Variants in ITPK1 observed in about 807,000 individuals in gnomAD.
ITPK1 encodes the protein inositol 1,3,4-trisphosphate 5/6-kinase.
ITPK1 carries 21 observed loss-of-function variants against 45.3 expected under a neutral mutation model. That is an observed-to-expected ratio of 0.46 (90% confidence interval 0.33 to 0.67). The LOEUF is 0.67. Ranked by LOEUF, ITPK1 falls within the 30% of genes least tolerant of loss-of-function variation. The probability of loss-of-function intolerance (pLI) is 0.02; values close to 1 mark genes in which losing one functional copy is unlikely to be tolerated. For synonymous variants in ITPK1, 258 were observed against 253.6 expected (o/e 1.02, Z -0.16); for missense variants, 474 against 573.5 (o/e 0.83, Z 1.77).
In ITPK1 at chr14:93,016,902, G is replaced by A. The variant is rs886206361; in HGVS notation, c.121-101C>T. 6.3e-5 allele frequency: 95 copies of A among 1,500,554 alleles called. No individual in the cohort carries two copies. Among genetic ancestry groups the A allele is most frequent in the South Asian group, 6.3e-4 (51 of 80,598 alleles). The allele number at this position is 1,500,554 out of a possible 1,614,324, so 93.0% of individuals were successfully genotyped here. A position where few individuals can be genotyped will look rare whatever the true frequency, so the allele number is the denominator to read the frequency against. On this transcript the variant is annotated intron_variant, in intron 3 of 10. Coordinates refer to ENST00000267615, the MANE Select transcript of ITPK1 (RefSeq NM_014216.6). This position sits in a 1 kb window ranked among gnomAD's most constrained non-coding sequence, Gnocchi z 5.0. The stretch of plus-strand genomic sequence containing the variant: ...TGGGGCATATCACCAGAGGACCCTC[G>A]AGCCTCCCTGTAGCACTCTGGAGAT...
chr14:92,981,033 G>A (rs968877388), intron 5 of ITPK1, among the ~76,000 whole-genome samples: 5 of 152,142 alleles, frequency 3.3e-5, no homozygotes, highest in South Asian at 4.1e-4. Flanking sequence ...CTTGGCCGCC[G>A]TGGAGACACC....
chr14:93,094,256 G>A (rs992075018), intron 2 of ITPK1, among the ~76,000 whole-genome samples: 9 of 152,244 alleles, frequency 5.9e-5, no homozygotes, highest in African/African-American at 2.2e-4. Flanking sequence ...TGGCTGCCCT[G>A]TGGGTGACTT....
Position 93,036,170 on chromosome 14 carries a change from C to T in ITPK1, c.121-19369G>A, listed in dbSNP as rs1427999138. Among the ~76,000 whole-genome samples, 3 of 152,270 alleles carry T rather than the reference C, an allele frequency of 2.0e-5. No individual in the cohort carries two copies. Among genetic ancestry groups the T allele is most frequent in the Admixed American group, 2.0e-4 (3 of 15,304 alleles). On this transcript the variant is annotated intron_variant, in intron 3 of 10. Transcript: ENST00000267615. This position sits in a 1 kb window ranked among gnomAD's most constrained non-coding sequence, Gnocchi z 4.1. ...GGTCCCAGGAGCCCAAGGTCGGTAACTTCAAGAGCTGCGGGGAGCAGAGGC... is the reference window on the plus strand; with the variant it reads ...GGTCCCAGGAGCCCAAGGTCGGTAATTTCAAGAGCTGCGGGGAGCAGAGGC...
At chr14:93,082,267 G>A (rs1490707452) in intron 2 of ITPK1, among the ~76,000 whole-genome samples, 1 of 152,206 alleles carries the variant, frequency 6.6e-6, no homozygotes, top group African/African-American at 2.4e-5. Flanking sequence ...GGAGACGAGA[G>A]AACACTGCAA....
intron 3 of ITPK1, among the ~76,000 whole-genome samples, chr14:93,042,294 A>G (rs889482383): frequency 6.6e-6 from 1 of 152,196 alleles, no homozygotes; most frequent in African/African-American, 2.4e-5. Flanking sequence ...AATGATAGCC[A>G]TATGTGAACA....
intron 3 of ITPK1, among the ~76,000 whole-genome samples, chr14:93,066,819 G>A (rs978686472): frequency 2.6e-5 from 4 of 152,162 alleles, no homozygotes; most frequent in African/African-American, 9.7e-5. Flanking sequence ...CTGGTCTTTG[G>A]AACTGACCTG....
At chr14:92,944,414 G>A (rs1178566815) in intron 10 of ITPK1, among the ~76,000 whole-genome samples, 2 of 152,016 alleles carry the variant, frequency 1.3e-5, no homozygotes, top group African/African-American at 4.8e-5. Context: ...CCCTTCTCTT[G>A]GCTTCTCTGG....
At chr14:93,035,594 G>A (rs746963687) in intron 3 of ITPK1, among the ~76,000 whole-genome samples, 6 of 151,818 alleles carry the variant, frequency 4.0e-5, no homozygotes, top group Non-Finnish European at 8.8e-5. Flanking sequence ...AACAGGACGG[G>A]AGGGAGGGAG....
intron 5 of ITPK1, among the ~76,000 whole-genome samples, chr14:92,978,151 A>G (rs1886040664): frequency 6.6e-6 from 1 of 151,952 alleles, no homozygotes; most frequent in Non-Finnish European, 1.5e-5. Context: ...GCTTTAGCAA[A>G]GAGACTGGCA....
intron 5 of ITPK1, among the ~76,000 whole-genome samples, chr14:92,990,952 C>A (rs1886751503): frequency 6.6e-6 from 1 of 152,112 alleles, no homozygotes; most frequent in African/African-American, 2.4e-5. Context: ...CCCACCAGCT[C>A]TGTTTTCCCT....
chr14:92,963,421 A>G (rs1038867768), intron 5 of ITPK1, among the ~76,000 whole-genome samples: 3 of 152,252 alleles, frequency 2.0e-5, no homozygotes, highest in African/African-American at 4.8e-5. Flanking sequence ...TTAAAGAACT[A>G]GCTGGTGGTG....
Position 93,115,821 on chromosome 14 carries a change from C to A in ITPK1, c.-192G>T. 1 of 148,654 alleles carries A rather than the reference C, an allele frequency of 6.7e-6. No individual in the cohort carries two copies. Among genetic ancestry groups the A allele is most frequent in the South Asian group, 1.8e-4 (1 of 5,506 alleles). 9.2% of individuals were successfully genotyped at this position (148,654 alleles called of 1,614,324 possible). A position where few individuals can be genotyped will look rare whatever the true frequency, so the allele number is the denominator to read the frequency against. On this transcript the variant is annotated 5_prime_UTR_variant, in exon 1 of 11. Transcript: ENST00000267615. ...CCTCGGCCTGGTCCTCGCGCGCTGCCCGCCGAGAAGGGCGGCGGCGAGCGC... is the reference window on the plus strand; with the variant it reads ...CCTCGGCCTGGTCCTCGCGCGCTGCACGCCGAGAAGGGCGGCGGCGAGCGC...
chr14:93,087,456 G>C (rs1891694086), intron 2 of ITPK1, among the ~76,000 whole-genome samples: 1 of 152,264 alleles, frequency 6.6e-6, no homozygotes, highest in African/African-American at 2.4e-5. Flanking sequence ...TGATGCTGCA[G>C]TGCGTTATGA....
At chr14:92,974,741 G>A (rs1181431817) in intron 5 of ITPK1, among the ~76,000 whole-genome samples, 3 of 152,262 alleles carry the variant, frequency 2.0e-5, no homozygotes, top group African/African-American at 7.2e-5. Context: ...CAGAGCTGAA[G>A]GCACTCAAGG....
intron 8 of ITPK1, among the ~76,000 whole-genome samples, chr14:92,953,511 C>T (rs1267543109): frequency 6.6e-6 from 1 of 152,224 alleles, no homozygotes; most frequent in Non-Finnish European, 1.5e-5. Flanking sequence ...GCTCGAGCAG[C>T]TGGGAGGGGA....
chr14:93,061,001 G>C lies in ITPK1; in HGVS notation c.120+15594C>G, dbSNP rs536152713. Among the ~76,000 whole-genome samples the C allele has an allele frequency of 1.2e-3, 185 of 152,330 alleles. 1 individual carries two copies. The highest frequency in any genetic ancestry group is 2.0e-3 in the Non-Finnish European group (138 of 68,030). ...CAGGTAGCTGGGGTTCCCTGGAACA[G>C]TGACCCACACCCACAACAAAAGTTC... On this transcript the variant is annotated intron_variant, in intron 3 of 10. Coordinates refer to ENST00000267615, the MANE Select transcript of ITPK1 (RefSeq NM_014216.6).
intron 3 of ITPK1, among the ~76,000 whole-genome samples, chr14:93,025,619 A>T (rs1014946381): frequency 6.6e-6 from 1 of 152,204 alleles, no homozygotes; most frequent in Non-Finnish European, 1.5e-5. Flanking sequence ...TGCAAATGCC[A>T]ATATTTTCAT....
At chr14:92,944,640 A>G (rs1887595141) in intron 10 of ITPK1, among the ~76,000 whole-genome samples, 1 of 152,058 alleles carries the variant, frequency 6.6e-6, no homozygotes, top group Non-Finnish European at 1.5e-5. Context: ...CCCTCCAGCC[A>G]CTGACGTTGT....
Position 93,003,785 on chromosome 14 carries a change from G to A in ITPK1, c.247-9788C>T, listed in dbSNP as rs569218481. On this transcript the variant is annotated intron_variant, in intron 4 of 10. Transcript: ENST00000267615. ...CACCTGGCTAACTTAACCCGAGCGC[G>A]TGGGTCCTGGGGCACTGTGCAAGTT... is the stretch of plus-strand genomic sequence containing the variant. 7.9e-5 allele frequency among the ~76,000 whole-genome samples: 12 copies of A among 152,340 alleles called. No homozygotes were observed. In the South Asian group the frequency reaches 1.2e-3, roughly 16 times the overall value.
Sources: gnomAD v4.1 joint callset for allele counts (sites outside exome capture counted in the v4.1 genomes callset) on GRCh38, gnomAD v4.1.1 for gene constraint, Gnocchi (gnomAD v3.1) non-coding constraint, MANE v1.5 for transcripts, NCBI Gene and HGNC (gene_info 2026-07-23, HGNC 2026-07-21) for gene names.